Variants in CACNA1A observed in about 807,000 individuals in gnomAD.
CACNA1A encodes the protein calcium voltage-gated channel subunit alpha1 A, also known as voltage-dependent P/Q-type calcium channel subunit alpha-1A.
Under a neutral mutation model 262.4 loss-of-function variants are expected in CACNA1A, and 57 were observed. The observed-to-expected ratio is 0.22, with a 90% confidence interval of 0.18 to 0.27. CACNA1A has a LOEUF of 0.27. CACNA1A is among the 10% of genes least tolerant of loss of function. CACNA1A has a pLI of 1.00. For missense variants in CACNA1A, 2,526 were observed against 3,562.8 expected, an observed-to-expected ratio of 0.71 and a Z score of 7.41; for synonymous variants, 1,431 against 1,419.3, an observed-to-expected ratio of 1.01 and a Z score of -0.18.
At position 13,212,245 on chromosome 19, in the gene CACNA1A, G is replaced by A. The variant is rs761804802; in HGVS notation, c.6190-29C>T. ...CGGAGCAGATGGCAAAGCCAGATGA[G>A]CTCTGGGGCCTGACCTCCAGATCCC... On this transcript the variant is annotated intron_variant, in intron 42 of 46. Coordinates refer to ENST00000360228, the MANE Select transcript of CACNA1A (RefSeq NM_001127222.2). This position sits in a 1 kb window ranked among gnomAD's most constrained non-coding sequence, Gnocchi z 5.6. The A allele has an allele frequency of 1.3e-5, 21 of 1,601,856 alleles. No individual in the cohort carries two copies. The South Asian group carries it at 2.2e-4, about 17-fold the overall frequency.
rs144440725 is a variant in CACNA1A, at chr19:13,448,301, A to C, written c.539+4575T>G. On this transcript the variant is annotated intron_variant, in intron 3 of 46. Coordinates refer to ENST00000360228, the MANE Select transcript of CACNA1A (RefSeq NM_001127222.2). Reference sequence around the variant, plus strand: ...TGTTCTAAGTGGGGGCTAAATGATGATAACACATGGACATACAGAGGTGAA... The same window carrying C: ...TGTTCTAAGTGGGGGCTAAATGATGCTAACACATGGACATACAGAGGTGAA... Among the ~76,000 whole-genome samples the C allele has an allele frequency of 6.6e-5, 10 of 152,280 alleles. No individual in the cohort carries two copies. The East Asian group carries it at 1.9e-3, about 29-fold the overall frequency.
At chr19:13,409,150 T>C (rs900492116) in intron 3 of CACNA1A, among the ~76,000 whole-genome samples, 55 of 152,084 alleles carry the variant, frequency 3.6e-4, no homozygotes, top group African/African-American at 1.3e-3. Flanking sequence ...ATTGATACAA[T>C]CTTGACGCTT....
chr19:13,326,672 C>T (rs925393647), intron 10 of CACNA1A, among the ~76,000 whole-genome samples: 19 of 151,690 alleles, frequency 1.3e-4, no homozygotes, highest in African/African-American at 4.6e-4. Flanking sequence ...ACCTATAGTC[C>T]CAGCTACTTG....
chr19:13,499,314 A>G (rs1021346613), intron 1 of CACNA1A, among the ~76,000 whole-genome samples: 1 of 152,058 alleles, frequency 6.6e-6, no homozygotes, highest in African/African-American at 2.4e-5. Flanking sequence ...GAATAGAAAA[A>G]TGGGTCAAGT....
chr19:13,343,058 T>A (rs551873742), intron 6 of CACNA1A, among the ~76,000 whole-genome samples: 1 of 152,032 alleles, frequency 6.6e-6, no homozygotes, highest in African/African-American at 2.4e-5. Flanking sequence ...CCCAGCCAGA[T>A]TGATACAGTT....
chr19:13,356,207 A>G lies in CACNA1A; in HGVS notation c.978+3399T>C, dbSNP rs1194114297. The stretch of plus-strand genomic sequence containing the variant: ...AAATTCATGCACATTTCTAAAAGGA[A>G]CACCATGCAGGGTGGGGAATTTGAC... On this transcript the variant is annotated intron_variant, in intron 6 of 46. Transcript: ENST00000360228. Among the ~76,000 whole-genome samples the G allele has an allele frequency of 2.0e-5, 3 of 152,184 alleles. 1 individual carries two copies. Among genetic ancestry groups the G allele is most frequent in the Admixed American group, 2.0e-4 (3 of 15,282 alleles).
At chr19:13,486,430 C>A (rs1039110810) in intron 1 of CACNA1A, among the ~76,000 whole-genome samples, 1 of 151,472 alleles carries the variant, frequency 6.6e-6, no homozygotes, top group Admixed American at 6.6e-5. Context: ...TACACACACA[C>A]GTCAGTTAAA....
intron 10 of CACNA1A, among the ~76,000 whole-genome samples, chr19:13,324,195 TC>T (rs1395877425): frequency 6.6e-6 from 1 of 151,922 alleles, no homozygotes; most frequent in Non-Finnish European, 1.5e-5. Context: ...AAAATTGATC[TC>T]ATAGAAAGAG....
intron 19 of CACNA1A, among the ~76,000 whole-genome samples, chr19:13,298,133 C>CTTTA (rs762107983): frequency 5.7e-4 from 65 of 113,060 alleles, no homozygotes; most frequent in Non-Finnish European, 1.1e-3. Flanking sequence ...AAATACAGCA[C>CTTTA]TTTTTTTTTT....
intron 5 of CACNA1A, among the ~76,000 whole-genome samples, chr19:13,361,269 C>T (rs1478436404): frequency 6.6e-6 from 1 of 152,068 alleles, no homozygotes; most frequent in African/African-American, 2.4e-5. Flanking sequence ...AGAAACGTGC[C>T]AACAGACACC....
chr19:13,268,322 A>G (rs2056917796), intron 24 of CACNA1A, among the ~76,000 whole-genome samples: 1 of 152,036 alleles, frequency 6.6e-6, no homozygotes, highest in Non-Finnish European at 1.5e-5. Context: ...CGCCTTCAAC[A>G]ATGACTGGAG....
rs2055674093 is a variant in CACNA1A, at chr19:13,231,797, A to G, written c.5313T>C (p.Asp1771=). ...MLSCLSGKPC[D]KNSGILTREC... ...CTCGAGTCAGGATGCCAGAGTTCTT[A>G]TCACACGGTTTCCCGCTGAGGCAGG... Residue 1771 remains aspartate (D), a synonymous_variant, in exon 35 of 47, where the codon GAT becomes GAC. Coordinates refer to ENST00000360228, the MANE Select transcript of CACNA1A (RefSeq NM_001127222.2). The G allele has an allele frequency of 3.1e-6, 5 of 1,613,784 alleles. No individual in the cohort carries two copies. The highest frequency in any genetic ancestry group is 1.3e-5 in the African/African-American group (1 of 74,936).
chr19:13,416,074 T>C (rs1468503463), intron 3 of CACNA1A, among the ~76,000 whole-genome samples: 1 of 152,154 alleles, frequency 6.6e-6, no homozygotes, highest in Non-Finnish European at 1.5e-5. Flanking sequence ...AAGTGCAGCC[T>C]GTGTGAGTGA....
intron 3 of CACNA1A, among the ~76,000 whole-genome samples, chr19:13,399,195 T>C (rs1183727198): frequency 3.9e-5 from 6 of 152,090 alleles, no homozygotes; most frequent in Admixed American, 3.9e-4. Flanking sequence ...CCCACTTTTT[T>C]CAAGTATTAT....
At chr19:13,248,409 C>CAAAAA (rs61481896) in intron 30 of CACNA1A, among the ~76,000 whole-genome samples, 6 of 58,812 alleles carry the variant, frequency 1.0e-4, no homozygotes, top group East Asian at 5.6e-4. Context: ...GATCCCATCT[C>CAAAAA]AAAAAAAAAA....
At chr19:13,237,834 C>A (rs1225471582) in intron 31 of CACNA1A, among the ~76,000 whole-genome samples, 2 of 152,224 alleles carry the variant, frequency 1.3e-5, no homozygotes, top group African/African-American at 4.8e-5. Context: ...CAGGTATCCC[C>A]AGCCCCCTCC....
intron 3 of CACNA1A, among the ~76,000 whole-genome samples, chr19:13,404,276 C>T (rs1048341552): frequency 4.6e-5 from 7 of 152,158 alleles, no homozygotes; most frequent in Non-Finnish European, 1.0e-4. Flanking sequence ...AGCTTCCACC[C>T]GGAGCTCAGG....
intron 3 of CACNA1A, among the ~76,000 whole-genome samples, chr19:13,440,244 G>A (rs928933549): frequency 6.6e-5 from 10 of 152,178 alleles, no homozygotes; most frequent in Non-Finnish European, 1.2e-4. Flanking sequence ...GATTACAGGC[G>A]TGAGCCACTG....
At chr19:13,259,385 T>C in intron 27 of CACNA1A, 179 bp downstream of exon 27, 1 of 190,848 alleles carries the variant, frequency 5.2e-6, no homozygotes, top group African/African-American at 2.6e-5. Context: ...ATGGCCAGGC[T>C]GATCTCAAAC....
Sources: allele counts gnomAD v4.1 joint callset (sites outside exome capture counted in the v4.1 genomes callset), GRCh38; gene constraint gnomAD v4.1.1; non-coding constraint Gnocchi (gnomAD v3.1); transcripts MANE v1.5; gene names NCBI Gene and HGNC (gene_info 2026-07-23, HGNC 2026-07-21).